The following TBC1D30 variants were observed in gnomAD, a reference collection of about 807,000 sequenced individuals.
TBC1D30 encodes TBC1 domain family, member 30.
Under a neutral mutation model 63.2 loss-of-function variants are expected in TBC1D30, and 31 were observed. The ratio of observed to expected loss-of-function variants is 0.49; its 90% CI spans 0.37 to 0.66. The LOEUF (loss-of-function observed/expected upper bound fraction) is 0.66, where lower values mean the gene tolerates loss of function less well. Ranked by LOEUF, TBC1D30 falls within the 30% of genes least tolerant of loss-of-function variation. The pLI is 0.00. For missense variants in TBC1D30, 810 were observed against 953.6 expected (o/e 0.85, Z 1.98); for synonymous variants, 307 against 361.5 (o/e 0.85, Z 1.71).
Position 64,782,074 on chromosome 12 carries a change from C to CT in TBC1D30, c.478+798dup, listed in dbSNP as rs1259184255. 1.0e-3 allele frequency among the ~76,000 whole-genome samples: 152 copies of CT among 148,626 alleles called. 1 individual carries two copies. The highest frequency in any genetic ancestry group is 4.5e-3 in the South Asian group (21 of 4,668). On this transcript the variant is annotated intron_variant, in intron 1 of 12. Coordinates refer to the TBC1D30 transcript ENST00000542120. The stretch of plus-strand genomic sequence containing the variant: ...GCTCGTGTCTTGAGCTCGTGTCACA[C>CT]TTTTTTTTTTCATCTGGTCATAATA...
intron 2 of TBC1D30, among the ~76,000 whole-genome samples, chr12:64,815,848 GT>G (rs1873495591): frequency 6.6e-6 from 1 of 151,730 alleles, no homozygotes. Context: ...GTATGGTGAT[GT>G]GATTATGGCT....
In TBC1D30 at chr12:64,830,503, G is replaced by T; in HGVS notation, c.408+1G>T. ...CTCCATGGGAATTCAGATAGTCAAG[G>T]TAATGCCCCTGAACTTGGCCTGTCA... On this transcript the variant is annotated splice_donor_variant, in intron 4 of 11. Coordinates refer to ENST00000539867, the MANE Select transcript of TBC1D30 (RefSeq NM_015279.2). LOFTEE classifies it high-confidence loss of function. 6.5e-7 allele frequency: 1 copy of T among 1,527,410 alleles called. No individual in the cohort carries two copies. Among genetic ancestry groups the T allele is most frequent in the Non-Finnish European group, 8.8e-7 (1 of 1,140,598 alleles). 94.6% of individuals were successfully genotyped at this position (1,527,410 alleles called of 1,614,324 possible). A position where few individuals can be genotyped will look rare whatever the true frequency, so the allele number is the denominator to read the frequency against.
chr12:64,872,627 T>C (rs936110247), intron 11 of TBC1D30, among the ~76,000 whole-genome samples: 1 of 152,206 alleles, frequency 6.6e-6, no homozygotes, highest in African/African-American at 2.4e-5. Context: ...TATATGTTTC[T>C]AACAAGCCCG....
At chr12:64,839,501 G>A (rs571719277) in intron 7 of TBC1D30, among the ~76,000 whole-genome samples, 1 of 152,286 alleles carries the variant, frequency 6.6e-6, no homozygotes, top group African/African-American at 2.4e-5. Context: ...AGAAGCATTA[G>A]GATGAAACTT....
At chr12:64,816,639 C>T (rs892823977) in intron 2 of TBC1D30, among the ~76,000 whole-genome samples, 8 of 152,208 alleles carry the variant, frequency 5.3e-5, no homozygotes, top group African/African-American at 9.6e-5. Context: ...ACAGCATCCC[C>T]GACTGCTGGG....
intron 1 of TBC1D30, among the ~76,000 whole-genome samples, chr12:64,773,901 C>A (rs767931167): frequency 1.3e-4 from 20 of 152,224 alleles, no homozygotes; most frequent in Non-Finnish European, 2.6e-4. Flanking sequence ...CAAATGACTG[C>A]ATCACCTCTC....
intron 2 of TBC1D30, among the ~76,000 whole-genome samples, chr12:64,788,373 A>G (rs151257666): frequency 5.2e-4 from 79 of 152,242 alleles, no homozygotes; most frequent in African/African-American, 1.7e-3. Context: ...CCTTTCAACT[A>G]TGTTTATATC....
chr12:64,769,555 T>G (rs1870832888), intron 1 of TBC1D30, among the ~76,000 whole-genome samples: 1 of 151,228 alleles, frequency 6.6e-6, no homozygotes, highest in Admixed American at 6.6e-5. Flanking sequence ...TTTTTTTTTT[T>G]TTTTGTATTT....
intron 7 of TBC1D30, among the ~76,000 whole-genome samples, chr12:64,841,622 T>A (rs1421851120): frequency 7.2e-5 from 11 of 152,184 alleles, no homozygotes; most frequent in Admixed American, 7.2e-4. Flanking sequence ...CTTCCTCTGG[T>A]CCTGCAACCA....
At chr12:64,778,549 C>CTT (rs34519163), upstream of TBC1D30, among the ~76,000 whole-genome samples, 13,536 of 78,796 alleles carry the variant, frequency 0.17, 2,064 homozygotes, top group Non-Finnish European at 0.22. Context: ...ACAGAGAAGC[C>CTT]TTTTTTTTTT....
upstream of TBC1D30, among the ~76,000 whole-genome samples, chr12:64,820,495 A>G (rs1033898275): frequency 6.6e-6 from 1 of 152,222 alleles, no homozygotes; most frequent in African/African-American, 2.4e-5. Context: ...AAATAACATT[A>G]TCTCATCCAA....
In TBC1D30 at chr12:64,781,133, C is replaced by T. The variant is rs973210816; in HGVS notation, c.325C>T (p.Arg109Trp). ...CGGGGGCCGCGGGGCCGAGGGCCGC[C>T]GGCGGCGCCGCGACAGCCTCGACAG... is the stretch of plus-strand genomic sequence containing the variant. Residue 109 changes from arginine to tryptophan, a missense_variant, in exon 1 of 13, where the codon CGG becomes TGG. By Grantham distance (101) the Arg-to-Trp change is moderately radical. Transcript: ENST00000542120. 1.9e-5 allele frequency: 19 copies of T among 1,007,350 alleles called. 1 individual carries two copies. In the Admixed American group the frequency reaches 9.2e-4, roughly 49 times the overall value. The allele number at this position is 1,007,350 out of a possible 1,614,324, so 62.4% of individuals were successfully genotyped here. A position where few individuals can be genotyped will look rare whatever the true frequency, so the allele number is the denominator to read the frequency against.
chr12:64,821,590 T>C (rs527812279), upstream of TBC1D30, among the ~76,000 whole-genome samples: 68 of 152,246 alleles, frequency 4.5e-4, no homozygotes, highest in Non-Finnish European at 9.4e-4. Flanking sequence ...CAGTTCCCTC[T>C]CTTTGACTTC....
At chr12:64,825,867 C>T (rs543695980) in intron 1 of TBC1D30, among the ~76,000 whole-genome samples, 2 of 152,284 alleles carry the variant, frequency 1.3e-5, no homozygotes, top group South Asian at 2.1e-4. Context: ...GCGTTCCAGG[C>T]GGGTTCACGG....
chr12:64,768,625 A>G (rs989919103), intron 1 of TBC1D30: 4 of 152,210 alleles, frequency 2.6e-5, no homozygotes, highest in Non-Finnish European at 5.9e-5. Context: ...GGTGTGAGCC[A>G]CCCTGCCTGG....
rs1555171793 is a variant in TBC1D30, at chr12:64,840,027, A to AAAAAAAAAAAAAAAAAAAAAAAAAAAAC, written c.932+1177_932+1178insAAAAAAAAAAAAAAAAAAAAAAAAAACA. 1.1e-4 allele frequency among the ~76,000 whole-genome samples: 16 copies of AAAAAAAAAAAAAAAAAAAAAAAAAAAAC among 145,878 alleles called. 2 individuals are homozygous for AAAAAAAAAAAAAAAAAAAAAAAAAAAAC. Among genetic ancestry groups the AAAAAAAAAAAAAAAAAAAAAAAAAAAAC allele is most frequent in the African/African-American group, 4.2e-4 (16 of 38,502 alleles). On this transcript the variant is annotated intron_variant, in intron 7 of 11. Transcript: ENST00000539867. ...CTCAAAAAAAAAAAAAAAAAAAAAA[A>AAAAAAAAAAAAAAAAAAAAAAAAAAAAC]ATCCACCAACTATCAATTCAGGGAC...
In TBC1D30 at chr12:64,807,918, G is replaced by GTTTTTTTT. The variant is rs774145443; in HGVS notation, c.644-19907_644-19900dup. On this transcript the variant is annotated intron_variant, in intron 2 of 12. Coordinates refer to the TBC1D30 transcript ENST00000542120. ...GCCCATGCCACCCTGCCTAATTTAA[G>GTTTTTTTT]TTTTTTTTTTTTTTTTTGTAGAGCT... Among the ~76,000 whole-genome samples the GTTTTTTTT allele has an allele frequency of 4.5e-4, 42 of 93,498 alleles. 3 individuals are homozygous for GTTTTTTTT. Among genetic ancestry groups the GTTTTTTTT allele is most frequent in the African/African-American group, 1.9e-3 (34 of 18,120 alleles). The allele number at this position is 93,498 out of a possible 152,430, so 61.3% of individuals were successfully genotyped here.
At chr12:64,829,501 T>A (rs1874654005) in intron 3 of TBC1D30, among the ~76,000 whole-genome samples, 1 of 152,168 alleles carries the variant, frequency 6.6e-6, no homozygotes, top group Admixed American at 6.5e-5. Flanking sequence ...GGTGTGTGTG[T>A]GTCTGTACGT....
chr12:64,855,293 G>A (rs889628330), intron 8 of TBC1D30, among the ~76,000 whole-genome samples: 2 of 151,802 alleles, frequency 1.3e-5, no homozygotes, highest in East Asian at 1.9e-4. Flanking sequence ...ATTGTAAAAC[G>A]CCTTGAGGGA....
Sources: gnomAD v4.1 joint callset for allele counts (sites outside exome capture counted in the v4.1 genomes callset) on GRCh38, gnomAD v4.1.1 for gene constraint, MANE v1.5 for transcripts, NCBI Gene and HGNC (gene_info 2026-07-23, HGNC 2026-07-21) for gene names.